The following FUT9 variants were observed in gnomAD, a reference collection of about 807,000 sequenced individuals.
The protein encoded by FUT9 is 4-galactosyl-N-acetylglucosaminide 3-alpha-L-fucosyltransferase 9.
A neutral mutation model predicts 29.7 loss-of-function variants in FUT9; 15 were observed. That is an observed-to-expected ratio of 0.51 (90% CI 0.34 to 0.78). The LOEUF (loss-of-function observed/expected upper bound fraction) is 0.78. FUT9 is among the 30% of genes least tolerant of loss of function. The pLI is 0.01. For missense variants in FUT9, 319 were observed against 425.4 expected, an observed-to-expected ratio of 0.75 and a Z score of 2.20; for synonymous variants, 169 against 153.7, an observed-to-expected ratio of 1.10 and a Z score of -0.74.
Position 96,180,094 on chromosome 6 carries a change from T to C in FUT9, c.-8-23054T>C, listed in dbSNP as rs556207042. On this transcript the variant is annotated intron_variant, in intron 2 of 2. Transcript: ENST00000302103. ...TCTCTCAGAGGAAATGCAAAGTTTA[T>C]TATTGCTACTGCTTTGGTGGCAATT... Among the ~76,000 whole-genome samples the C allele has an allele frequency of 5.5e-4, 83 of 152,274 alleles. No homozygotes were observed. In the South Asian group the frequency reaches 0.015, roughly 28 times the overall value.
intron 2 of FUT9, among the ~76,000 whole-genome samples, chr6:96,179,114 G>A (rs887366666): frequency 6.6e-6 from 1 of 152,042 alleles, no homozygotes; most frequent in African/African-American, 2.4e-5. Flanking sequence ...GGGATCTTAG[G>A]TATAGTCATC....
intron 2 of FUT9, among the ~76,000 whole-genome samples, chr6:96,155,705 G>GAAAGA (rs1042685231): frequency 5.1e-4 from 77 of 151,466 alleles, no homozygotes; most frequent in African/African-American, 1.8e-3. Context: ...AAAAAGAAAA[G>GAAAGA]AAAGAAAAGA....
intron 1 of FUT9, among the ~76,000 whole-genome samples, chr6:96,065,587 G>T (rs570919087): frequency 1.3e-5 from 2 of 151,778 alleles, no homozygotes; most frequent in Non-Finnish European, 2.9e-5. Context: ...GAACTTTCTC[G>T]GGAATTTATA....
intron 2 of FUT9, among the ~76,000 whole-genome samples, chr6:96,177,404 A>G (rs1364630723): frequency 6.6e-6 from 1 of 152,140 alleles, no homozygotes; most frequent in East Asian, 1.9e-4. Flanking sequence ...AATTTCCCCT[A>G]CAACAGTCCT....
In FUT9 at chr6:96,022,730, G is replaced by A. The variant is rs185842228; in HGVS notation, c.-98+6518G>A. Among the ~76,000 whole-genome samples the A allele has an allele frequency of 3.8e-3, 578 of 151,860 alleles. 3 individuals carry two copies. Among genetic ancestry groups the A allele is most frequent in the Non-Finnish European group, 6.4e-3 (434 of 67,850 alleles). On this transcript the variant is annotated intron_variant, in intron 1 of 2. Coordinates refer to ENST00000302103, the MANE Select transcript of FUT9 (RefSeq NM_006581.4). Reference sequence around the variant, plus strand: ...ATAGGACCCCTTTTTACCTTTGTTCGTCATTGAATCTGAGTTGGTACACCC... The same window carrying A: ...ATAGGACCCCTTTTTACCTTTGTTCATCATTGAATCTGAGTTGGTACACCC...
chr6:96,068,955 A>G (rs1771007307), intron 1 of FUT9, among the ~76,000 whole-genome samples: 1 of 152,238 alleles, frequency 6.6e-6, no homozygotes, highest in Non-Finnish European at 1.5e-5. Flanking sequence ...TTGTACGCAG[A>G]TAATAACCAA....
chr6:96,130,639 T>C (rs1289700637), intron 2 of FUT9, among the ~76,000 whole-genome samples: 2 of 152,216 alleles, frequency 1.3e-5, no homozygotes, highest in African/African-American at 4.8e-5. Context: ...TTACATATTA[T>C]TTTTAAAGGT....
At chr6:96,101,762 TC>T (rs1163869529) in intron 1 of FUT9, among the ~76,000 whole-genome samples, 19 of 149,868 alleles carry the variant, frequency 1.3e-4, no homozygotes, top group African/African-American at 4.7e-4. Flanking sequence ...CCAGCTATCC[TC>T]CCATCTCAGC....
At chr6:96,091,867 A>G (rs1771416902) in intron 1 of FUT9, among the ~76,000 whole-genome samples, 1 of 152,104 alleles carries the variant, frequency 6.6e-6, no homozygotes, top group Non-Finnish European at 1.5e-5. Flanking sequence ...TGAATCTTTA[A>G]GGATTTTGAG....
chr6:96,034,913 G>A (rs1222226459), intron 1 of FUT9, among the ~76,000 whole-genome samples: 1 of 151,746 alleles, frequency 6.6e-6, no homozygotes, highest in Non-Finnish European at 1.5e-5. Context: ...CAAAGCAGAA[G>A]CATGAGAATA....
At chr6:96,143,097 C>T (rs932404688) in intron 2 of FUT9, among the ~76,000 whole-genome samples, 9 of 152,236 alleles carry the variant, frequency 5.9e-5, no homozygotes, top group South Asian at 4.1e-4. Flanking sequence ...AAAATTCCTA[C>T]GTTGAAAACC....
At chr6:96,188,558 T>G (rs1366312668) in intron 2 of FUT9, among the ~76,000 whole-genome samples, 2 of 152,090 alleles carry the variant, frequency 1.3e-5, no homozygotes, top group Admixed American at 6.6e-5. Flanking sequence ...CTAACCCATA[T>G]TTCATCTGGT....
At chr6:96,082,121 C>T (rs1771247036) in intron 1 of FUT9, among the ~76,000 whole-genome samples, 1 of 151,612 alleles carries the variant, frequency 6.6e-6, no homozygotes, top group African/African-American at 2.4e-5. Context: ...TGACTTTTTA[C>T]TCTTTTTATG....
At chr6:96,149,577 C>G (rs1413357299) in intron 2 of FUT9, among the ~76,000 whole-genome samples, 1 of 152,146 alleles carries the variant, frequency 6.6e-6, no homozygotes, top group Non-Finnish European at 1.5e-5. Context: ...AAACAAAACT[C>G]AATTATTTGT....
chr6:96,021,390 A>G (rs1450282856), intron 1 of FUT9, among the ~76,000 whole-genome samples: 5 of 151,890 alleles, frequency 3.3e-5, no homozygotes, highest in African/African-American at 1.2e-4. Context: ...TCATAGGGTA[A>G]TCTTTTAATG....
chr6:96,108,828 G>A (rs999350728), intron 1 of FUT9, among the ~76,000 whole-genome samples: 1 of 151,830 alleles, frequency 6.6e-6, no homozygotes, highest in Non-Finnish European at 1.5e-5. Flanking sequence ...CACACACACC[G>A]TTCATTTGTA....
At chr6:96,115,069 G>C (rs1771884800) in intron 2 of FUT9, among the ~76,000 whole-genome samples, 1 of 152,138 alleles carries the variant, frequency 6.6e-6, no homozygotes, top group Admixed American at 6.5e-5. Context: ...GGTGGTGGTG[G>C]ATAGGTTATT....
chr6:96,141,658 T>C (rs1398973905), intron 2 of FUT9, among the ~76,000 whole-genome samples: 1 of 152,174 alleles, frequency 6.6e-6, no homozygotes, highest in Non-Finnish European at 1.5e-5. Flanking sequence ...ACAGTGGGAA[T>C]AGAAAATATA....
At chr6:96,128,415 T>C (rs72931931) in intron 2 of FUT9, among the ~76,000 whole-genome samples, 4,164 of 152,206 alleles carry the variant, frequency 0.027, 120 homozygotes, top group South Asian at 0.13. Flanking sequence ...ACCTGACAAA[T>C]GCAATTTTGT....
Sources: allele counts gnomAD v4.1 joint callset (sites outside exome capture counted in the v4.1 genomes callset), GRCh38; gene constraint gnomAD v4.1.1; transcripts MANE v1.5; gene names NCBI Gene and HGNC (gene_info 2026-07-23, HGNC 2026-07-21).